Variants in VPS13A observed in about 807,000 individuals in gnomAD.
The protein encoded by VPS13A is intermembrane lipid transfer protein VPS13A.
Under a neutral mutation model 390.9 loss-of-function variants are expected in VPS13A, and 264 were observed. That is an observed-to-expected ratio of 0.68 (90% confidence interval 0.61 to 0.75). VPS13A has a LOEUF of 0.75. Ranked by LOEUF, VPS13A falls within the 30% of genes least tolerant of loss-of-function variation. The probability of loss-of-function intolerance (pLI) is 0.00; values close to 1 mark genes in which losing one functional copy is unlikely to be tolerated. For synonymous variants in VPS13A, 1,231 were observed against 1,227.1 expected, an observed-to-expected ratio of 1.00 and a Z score of -0.07; for missense variants, 3,409 against 3,733.9, an observed-to-expected ratio of 0.91 and a Z score of 2.27.
At chr9:77,364,783 TTTG>T (rs767780372) in intron 59 of VPS13A, among the ~76,000 whole-genome samples, 6 of 152,196 alleles carry the variant, frequency 3.9e-5, no homozygotes, top group African/African-American at 9.7e-5. Flanking sequence ...AGGCCTTAAA[TTTG>T]TTGTTGTTGT....
intron 17 of VPS13A, among the ~76,000 whole-genome samples, chr9:77,234,020 C>T (rs890679324): frequency 3.3e-5 from 5 of 151,920 alleles, no homozygotes; most frequent in Non-Finnish European, 7.4e-5. Flanking sequence ...GCTATTTCTC[C>T]CTTTAATTCT....
At chr9:77,340,588 T>A in intron 50 of VPS13A, 38 bp downstream of exon 50, 1 of 1,609,864 alleles carries the variant, frequency 6.2e-7, no homozygotes, top group Non-Finnish European at 8.5e-7. Context: ...CTCTTTGGAT[T>A]CTATTTTCTC....
At chr9:77,264,654 G>T (rs1319499835) in intron 23 of VPS13A, among the ~76,000 whole-genome samples, 1 of 152,202 alleles carries the variant, frequency 6.6e-6, no homozygotes, top group African/African-American at 2.4e-5. Flanking sequence ...TTTGTATCCT[G>T]AGACCTTGCT....
At chr9:77,216,010 G>A (rs1225267664) in intron 10 of VPS13A, among the ~76,000 whole-genome samples, 1 of 152,166 alleles carries the variant, frequency 6.6e-6, no homozygotes, top group Non-Finnish European at 1.5e-5. Context: ...AGACACTGCA[G>A]AAGCTACCGG....
chr9:77,390,342 A>G (rs991499266), intron 68 of VPS13A, among the ~76,000 whole-genome samples: 5 of 152,098 alleles, frequency 3.3e-5, no homozygotes, highest in Non-Finnish European at 7.4e-5. Flanking sequence ...TTTGGATACA[A>G]TTATCATACC....
chr9:77,348,103 C>T (rs1394973961), intron 52 of VPS13A, among the ~76,000 whole-genome samples: 1 of 152,142 alleles, frequency 6.6e-6, no homozygotes, highest in African/African-American at 2.4e-5. Flanking sequence ...TACCATTTGA[C>T]CCAGCAGTCC....
intron 68 of VPS13A, among the ~76,000 whole-genome samples, chr9:77,396,733 A>G (rs562650875): frequency 6.6e-6 from 1 of 152,318 alleles, no homozygotes; most frequent in Admixed American, 6.5e-5. Context: ...CTCTAAAGAT[A>G]AGATTGTTTT....
intron 34 of VPS13A, among the ~76,000 whole-genome samples, chr9:77,306,905 T>A (rs1252516536): frequency 1.3e-5 from 2 of 149,428 alleles, no homozygotes; most frequent in Non-Finnish European, 3.0e-5. Context: ...TGAAATTGGC[T>A]CTTTATTTTT....
At chr9:77,209,194 A>C (rs1208296105) in intron 5 of VPS13A, among the ~76,000 whole-genome samples, 1 of 152,200 alleles carries the variant, frequency 6.6e-6, no homozygotes, top group Non-Finnish European at 1.5e-5. Context: ...TATAAAATTT[A>C]ATGCCAGTAA....
At chr9:77,222,974 C>T (rs917983394) in intron 13 of VPS13A, among the ~76,000 whole-genome samples, 1 of 152,198 alleles carries the variant, frequency 6.6e-6, no homozygotes, top group Non-Finnish European at 1.5e-5. Context: ...GAACACTAAG[C>T]TATAACCAAA....
intron 39 of VPS13A, 90 bp from the exon 40 acceptor site, chr9:77,317,516 A>G: frequency 4.2e-6 from 4 of 960,792 alleles, no homozygotes; most frequent in Middle Eastern, 3.4e-4. Context: ...TAACTTGTTT[A>G]TTTGACATAC....
chr9:77,388,577 T>A (rs1833785112), intron 68 of VPS13A, among the ~76,000 whole-genome samples: 1 of 152,172 alleles, frequency 6.6e-6, no homozygotes, highest in African/African-American at 2.4e-5. Context: ...TTGATGAATC[T>A]TCTTCATTGC....
At chr9:77,177,863 C>T in intron 1 of VPS13A, 59 bp downstream of exon 1, 4 of 1,500,140 alleles carry the variant, frequency 2.7e-6, no homozygotes, top group Non-Finnish European at 3.6e-6. Context: ...GTCTCGCTGC[C>T]CGAGCGGCGT....
Position 77,226,550 on chromosome 9 carries a change from TG to T in VPS13A, c.1311del (p.Trp437CysfsTer22). ...AGGGTGGTTTAGCTGGCTATGGTCTTGGTCAGAACAAAATACTAATGAACAG... is the reference window on the plus strand; with the variant it reads ...AGGGTGGTTTAGCTGGCTATGGTCTTGTCAGAACAAAATACTAATGAACAG... ...NKGWFSWLWS[W>X]SEQNTNEQQP... On this transcript the variant is annotated frameshift_variant, in exon 15 of 72. Coordinates refer to ENST00000360280, the MANE Select transcript of VPS13A (RefSeq NM_033305.3). LOFTEE classifies it high-confidence loss of function. 6.2e-7 allele frequency: 1 copy of T among 1,613,204 alleles called. No homozygotes were observed. Among genetic ancestry groups the T allele is most frequent in the African/African-American group, 1.3e-5 (1 of 75,022 alleles).
chr9:77,247,341 T>A lies in VPS13A; in HGVS notation c.1983T>A (p.Asp661Glu). ...LKASYIIVPQ[D>E]GIFSPTSNLL... ...CTTCATATATTATTGTCCCACAAGA[T>A]GGAATTTTTAGTCCTACATCAAATC... Residue 661 changes from aspartate (D) to glutamate (E), a missense_variant, in exon 20 of 72, where the codon GAT becomes GAA. Asp to Glu is a conservative substitution (Grantham distance 45). This residue lies in a region of VPS13A where 2,717 missense variants were observed against 2,917.4 expected (regional missense o/e 0.93). Coordinates refer to ENST00000360280, the MANE Select transcript of VPS13A (RefSeq NM_033305.3). 7 of 1,612,658 alleles carry A rather than the reference T, an allele frequency of 4.3e-6. No individual in the cohort carries two copies. Among genetic ancestry groups the A allele is most frequent in the Non-Finnish European group, 5.1e-6 (6 of 1,179,362 alleles).
chr9:77,405,098 A>G (rs1834539187), intron 69 of VPS13A, among the ~76,000 whole-genome samples: 1 of 152,242 alleles, frequency 6.6e-6, no homozygotes, highest in African/African-American at 2.4e-5. Flanking sequence ...AGGATTAAAT[A>G]GACTTCTTAT....
intron 56 of VPS13A, 109 bp from the exon 57 acceptor site, chr9:77,358,248 G>C: frequency 2.1e-6 from 2 of 970,368 alleles, no homozygotes; most frequent in Non-Finnish European, 3.2e-6. Flanking sequence ...GAGCCACCGT[G>C]CTTGGTCACC....
intron 38 of VPS13A, 75 bp from the exon 39 acceptor site, chr9:77,316,099 T>G (rs1352022018): frequency 6.0e-6 from 5 of 834,940 alleles, no homozygotes; most frequent in Non-Finnish European, 7.9e-6. Context: ...ATTATTTCAT[T>G]TTAATATTTT....
intron 50 of VPS13A, among the ~76,000 whole-genome samples, chr9:77,342,372 C>T (rs900491395): frequency 6.6e-6 from 1 of 150,918 alleles, no homozygotes. Flanking sequence ...ACACCTGACA[C>T]TTTATGTTTT....
Sources: gnomAD v4.1 joint callset for allele counts (sites outside exome capture counted in the v4.1 genomes callset) on GRCh38, gnomAD v4.1.1 for gene constraint, gnomAD v4.1.1 regional missense constraint, MANE v1.5 for transcripts, NCBI Gene and HGNC (gene_info 2026-07-23, HGNC 2026-07-21) for gene names.